Variants in CSMD3 observed in about 807,000 individuals in gnomAD.
CSMD3 encodes the protein CUB and Sushi multiple domains 3.
Under a neutral mutation model 435.2 loss-of-function variants are expected in CSMD3, and 177 were observed. The observed-to-expected ratio is 0.41, with a 90% CI of 0.36 to 0.46. The LOEUF (loss-of-function observed/expected upper bound fraction) is 0.46, where lower values mean the gene tolerates loss of function less well. Ranked by LOEUF, CSMD3 falls within the 20% of genes least tolerant of loss-of-function variation. The pLI is 0.34. For synonymous variants in CSMD3, 1,656 were observed against 1,520.5 expected (o/e 1.09, Z -2.07); for missense variants, 4,265 against 4,504.6 (o/e 0.95, Z 1.52).
intron 17 of CSMD3, among the ~76,000 whole-genome samples, chr8:112,660,487 A>C (rs1456610538): frequency 6.6e-6 from 1 of 152,194 alleles, no homozygotes; most frequent in Non-Finnish European, 1.5e-5. Context: ...AGCATATGGA[A>C]TATAGACAGC....
At chr8:112,791,218 G>C (rs2078681437) in intron 13 of CSMD3, among the ~76,000 whole-genome samples, 1 of 151,394 alleles carries the variant, frequency 6.6e-6, no homozygotes, top group Admixed American at 6.6e-5. Context: ...AGCTACTCGG[G>C]AGGCTGAGGT....
chr8:112,564,338 C>A (rs1198720688), intron 24 of CSMD3, among the ~76,000 whole-genome samples: 2 of 150,644 alleles, frequency 1.3e-5, no homozygotes, highest in South Asian at 2.1e-4. Context: ...TTCTCCCCTC[C>A]CTTCTCCCCT....
intron 10 of CSMD3, among the ~76,000 whole-genome samples, chr8:112,879,007 C>T (rs1456092071): frequency 6.6e-6 from 1 of 152,110 alleles, no homozygotes; most frequent in East Asian, 1.9e-4. Context: ...TGTGTTTGAA[C>T]AATATGAAAT....
chr8:112,495,964 G>T lies in CSMD3; in HGVS notation c.5084-3281C>A, dbSNP rs1006126910. Among the ~76,000 whole-genome samples, 4 of 151,672 alleles carry T rather than the reference G, an allele frequency of 2.6e-5. 1 individual carries two copies. The highest frequency in any genetic ancestry group is 7.0e-3 in the Middle Eastern group (2 of 284). On this transcript the variant is annotated intron_variant, in intron 30 of 70. Transcript: ENST00000297405. ...TACTATATATGTTTTATTAGAGCTA[G>T]AAGTGAACATACACAATAAAGCTTA...
chr8:113,024,505 A>G (rs984393987), intron 5 of CSMD3, among the ~76,000 whole-genome samples: 1 of 152,094 alleles, frequency 6.6e-6, no homozygotes, highest in African/African-American at 2.4e-5. Flanking sequence ...TGGTAGTTCT[A>G]TTTTTAATTT....
At chr8:112,453,937 A>G (rs1816557778) in intron 32 of CSMD3, among the ~76,000 whole-genome samples, 1 of 152,188 alleles carries the variant, frequency 6.6e-6, no homozygotes, top group African/African-American at 2.4e-5. Flanking sequence ...GGAGCAGAAT[A>G]GAAAACCCAG....
Position 112,274,075 on chromosome 8 carries a change from C to T in CSMD3, c.9508+7099G>A, listed in dbSNP as rs78684171. 9.8e-4 allele frequency among the ~76,000 whole-genome samples: 148 copies of T among 151,762 alleles called. No individual in the cohort carries two copies. In the East Asian group the frequency reaches 0.018, roughly 18 times the overall value. ...AGGTGGATAAGAGTTTTAAAGGCTA[C>T]GGTGGGATAGTGTTAAGTTGTTCAC... On this transcript the variant is annotated intron_variant, in intron 59 of 70. Transcript: ENST00000297405.
chr8:112,855,698 T>C (rs1223641667), intron 11 of CSMD3, among the ~76,000 whole-genome samples: 2 of 151,700 alleles, frequency 1.3e-5, no homozygotes, highest in Non-Finnish European at 2.9e-5. Context: ...AATAAATACA[T>C]AGAGAAATAG....
intron 38 of CSMD3, among the ~76,000 whole-genome samples, chr8:112,379,510 C>A (rs552064875): frequency 6.6e-6 from 1 of 151,800 alleles, no homozygotes. Context: ...TAAATAGTGA[C>A]GAGAAAAGAT....
In CSMD3 at chr8:112,335,404, T is replaced by G. The variant is rs750807516; in HGVS notation, c.7090A>C (p.Ser2364Arg). 1 of 1,613,884 alleles carries G rather than the reference T, an allele frequency of 6.2e-7. No homozygotes were observed. The highest frequency in any genetic ancestry group is 1.3e-5 in the African/African-American group (1 of 74,934). The change falls in exon 45 of 71, where the codon AGT (serine) becomes CGT (arginine). Residue 2364 changes from serine (S) to arginine (R), a missense_variant. Ser to Arg is a moderately radical substitution (Grantham distance 110, BLOSUM62 -1). This residue lies in a region of CSMD3 where 3,255 missense variants were observed against 3,380.2 expected (regional missense o/e 0.96). Transcript: ENST00000297405. The stretch of plus-strand genomic sequence containing the variant: ...TTGATTAGAATCTGATTTGAAGTAC[T>G]GTAGACTGATTCCAAAGCGGTATTG... Reference protein sequence around the residue: ...SGNTALESVYSTSNQILIKFH... With the variant: ...SGNTALESVYRTSNQILIKFH...
chr8:113,403,929 C>T (rs2094521361), intron 1 of CSMD3, among the ~76,000 whole-genome samples: 1 of 151,316 alleles, frequency 6.6e-6, no homozygotes, highest in Non-Finnish European at 1.5e-5. Context: ...TTTAGTTTCA[C>T]TCAAGAAGGA....
intron 1 of CSMD3, among the ~76,000 whole-genome samples, chr8:113,401,069 A>C (rs527703741): frequency 6.6e-6 from 1 of 151,966 alleles, no homozygotes; most frequent in African/African-American, 2.4e-5. Context: ...AGAAGAGCAG[A>C]CAATGAAGAT....
intron 1 of CSMD3, among the ~76,000 whole-genome samples, chr8:113,368,722 T>C (rs2094328873): frequency 6.6e-6 from 1 of 152,108 alleles, no homozygotes; most frequent in African/African-American, 2.4e-5. Flanking sequence ...AAAACTGTAT[T>C]ATGAAGACCG....
chr8:112,533,054 C>T (rs755920451), intron 27 of CSMD3, among the ~76,000 whole-genome samples: 1 of 151,982 alleles, frequency 6.6e-6, no homozygotes, highest in Non-Finnish European at 1.5e-5. Flanking sequence ...TTTAAAATAA[C>T]TTGTACAACT....
chr8:112,638,903 A>T lies in CSMD3; in HGVS notation c.3319T>A (p.Phe1107Ile), dbSNP rs749015992. ...VDVTHGKGVQ[F>I]NFHTFHLEDH... ...TCCAAATGAAAAGTGTGGAAGTTGAACTGCACACCTATTAAGAAAAATAGA... is the reference window on the plus strand; with the variant it reads ...TCCAAATGAAAAGTGTGGAAGTTGATCTGCACACCTATTAAGAAAAATAGA... Residue 1107 changes from phenylalanine to isoleucine, a missense_variant, in exon 21 of 71, where the codon TTC (phenylalanine) becomes ATC (isoleucine). Transcript: ENST00000297405. 12 of 1,606,094 alleles carry T rather than the reference A, an allele frequency of 7.5e-6. No homozygotes were observed. The highest frequency in any genetic ancestry group is 2.7e-5 in the African/African-American group (2 of 74,726).
intron 32 of CSMD3, among the ~76,000 whole-genome samples, chr8:112,458,033 G>A (rs1586389679): frequency 6.6e-6 from 1 of 152,120 alleles, no homozygotes; most frequent in East Asian, 1.9e-4. Context: ...TGCATTTTCA[G>A]TAAATACATA....
At chr8:112,955,005 T>A (rs1377642797) in intron 7 of CSMD3, among the ~76,000 whole-genome samples, 1 of 151,622 alleles carries the variant, frequency 6.6e-6, no homozygotes, top group Non-Finnish European at 1.5e-5. Flanking sequence ...TTTTTTAAGC[T>A]GTGCTTTTTT....
At chr8:112,762,582 G>C (rs1175418889) in intron 13 of CSMD3, among the ~76,000 whole-genome samples, 1 of 151,818 alleles carries the variant, frequency 6.6e-6, no homozygotes, top group Non-Finnish European at 1.5e-5. Flanking sequence ...ATACAATATG[G>C]CATACGAAGA....
chr8:112,355,912 T>C (rs112724949), intron 38 of CSMD3, among the ~76,000 whole-genome samples: 6 of 152,206 alleles, frequency 3.9e-5, no homozygotes, highest in African/African-American at 1.4e-4. Context: ...GACACATGAA[T>C]GACCAACAAA....
Sources: gnomAD v4.1 joint callset for allele counts (sites outside exome capture counted in the v4.1 genomes callset) on GRCh38, gnomAD v4.1.1 for gene constraint, gnomAD v4.1.1 regional missense constraint, MANE v1.5 for transcripts, NCBI Gene and HGNC (gene_info 2026-07-23, HGNC 2026-07-21) for gene names.